The following ADAM10 variants were observed in gnomAD, a reference collection of about 807,000 sequenced individuals.
ADAM10 encodes disintegrin and metalloproteinase domain-containing protein 10.
Under a neutral mutation model 90.1 loss-of-function variants are expected in ADAM10, and 17 were observed. The ratio of observed to expected loss-of-function variants is 0.19; its 90% CI spans 0.13 to 0.28. The LOEUF (loss-of-function observed/expected upper bound fraction) is 0.28. ADAM10 is among the 10% of genes least tolerant of loss of function. The probability of loss-of-function intolerance (pLI) is 1.00; values close to 1 mark genes in which losing one functional copy is unlikely to be tolerated. For missense variants in ADAM10, 610 were observed against 914.3 expected, an observed-to-expected ratio of 0.67 and a Z score of 4.29; for synonymous variants, 310 against 298.6, an observed-to-expected ratio of 1.04 and a Z score of -0.40.
chr15:58,676,873 A>G (rs1566990770), intron 4 of ADAM10, among the ~76,000 whole-genome samples: 1 of 152,160 alleles, frequency 6.6e-6, no homozygotes, highest in African/African-American at 2.4e-5. Flanking sequence ...ATGCTTATTT[A>G]TTTATGTGTT....
At chr15:58,648,068 AAC>A (rs1896598390) in intron 5 of ADAM10, among the ~76,000 whole-genome samples, 2 of 152,238 alleles carry the variant, frequency 1.3e-5, no homozygotes, top group Admixed American at 1.3e-4. Context: ...TTATATGCCA[AAC>A]ACACAAAAAA....
At position 58,594,131 on chromosome 15, in the gene ADAM10, A is replaced by G. The variant is rs1346758334; in HGVS notation, c.*3416T>C. 1.3e-5 allele frequency: 2 copies of G among 152,226 alleles called. No individual in the cohort carries two copies. Among genetic ancestry groups the G allele is most frequent in the African/African-American group, 2.4e-5 (1 of 41,462 alleles). The allele number at this position is 152,226 out of a possible 1,614,324, so 9.4% of individuals were successfully genotyped here. On this transcript the variant is annotated 3_prime_UTR_variant, in exon 16 of 16. Coordinates refer to ENST00000260408, the MANE Select transcript of ADAM10 (RefSeq NM_001110.4). ...ACTTTAGTGACTTCTCTAAAGATGA[A>G]CTGTCCCTGGCAGCTGCTTTAAAAC...
chr15:58,677,589 G>C (rs1227992651), intron 4 of ADAM10, among the ~76,000 whole-genome samples: 2 of 152,014 alleles, frequency 1.3e-5, no homozygotes, highest in African/African-American at 4.8e-5. Context: ...GAAAACATGA[G>C]AGAGGCACAA....
intron 2 of ADAM10, among the ~76,000 whole-genome samples, chr15:58,712,347 C>T (rs2140807558): frequency 6.6e-6 from 1 of 151,232 alleles, no homozygotes; most frequent in East Asian, 1.9e-4. Context: ...TGGCAAAACC[C>T]CATTTCTACC....
intron 9 of ADAM10, among the ~76,000 whole-genome samples, chr15:58,631,978 TAG>T (rs1156328678): frequency 1.3e-5 from 2 of 152,190 alleles, no homozygotes; most frequent in African/African-American, 4.8e-5. Context: ...TGGGAAAAAT[TAG>T]AGAAGTGCAT....
In ADAM10 at chr15:58,640,978, A is replaced by G; in HGVS notation, c.829-18T>C. ...GTATTGATCTAAAATCCAAAACAAT[A>G]ATTTAGTAAGTAATTAATGTTAGCA... On this transcript the variant is annotated intron_variant, in intron 7 of 15. Transcript: ENST00000260408. 6.2e-7 allele frequency: 1 copy of G among 1,605,830 alleles called. No homozygotes were observed. The highest frequency in any genetic ancestry group is 1.7e-5 in the Admixed American group (1 of 60,018).
At chr15:58,664,161 C>G (rs944107265) in intron 5 of ADAM10, among the ~76,000 whole-genome samples, 1 of 152,134 alleles carries the variant, frequency 6.6e-6, no homozygotes, top group Middle Eastern at 3.4e-3. Context: ...GCTAACCTAA[C>G]TCCTACTTAT....
chr15:58,649,530 T>C (rs568738680), intron 5 of ADAM10, among the ~76,000 whole-genome samples: 2 of 152,212 alleles, frequency 1.3e-5, no homozygotes, highest in Non-Finnish European at 2.9e-5. Flanking sequence ...ATATATTCCA[T>C]TTGAAATGTG....
At chr15:58,725,247 A>T (rs1898991740) in intron 1 of ADAM10, among the ~76,000 whole-genome samples, 1 of 151,654 alleles carries the variant, frequency 6.6e-6, no homozygotes, top group South Asian at 2.1e-4. Context: ...AAAATAAAAG[A>T]AAATTAGGCA....
intron 1 of ADAM10, among the ~76,000 whole-genome samples, chr15:58,718,176 A>G (rs1257232954): frequency 4.6e-5 from 7 of 152,114 alleles, no homozygotes; most frequent in Admixed American, 1.3e-4. Context: ...AAGTATAAAA[A>G]TAAATAAAAA....
At chr15:58,608,452 C>T (rs1895339517) in intron 14 of ADAM10, among the ~76,000 whole-genome samples, 2 of 152,214 alleles carry the variant, frequency 1.3e-5, no homozygotes, top group African/African-American at 2.4e-5. Flanking sequence ...TGTTTATTAT[C>T]TTACTGCTTG....
At chr15:58,735,231 T>C (rs1356312677) in intron 1 of ADAM10, among the ~76,000 whole-genome samples, 1 of 152,206 alleles carries the variant, frequency 6.6e-6, no homozygotes, top group Non-Finnish European at 1.5e-5. Context: ...AATCGTTTAC[T>C]CCGATTCCTT....
At chr15:58,658,412 T>A (rs1453942274) in intron 5 of ADAM10, among the ~76,000 whole-genome samples, 1 of 152,214 alleles carries the variant, frequency 6.6e-6, no homozygotes, top group African/African-American at 2.4e-5. Context: ...TTATACTAAG[T>A]CTTAAAAACC....
intron 4 of ADAM10, among the ~76,000 whole-genome samples, chr15:58,667,884 C>T (rs978069828): frequency 1.3e-4 from 20 of 151,858 alleles, no homozygotes; most frequent in African/African-American, 4.6e-4. Context: ...CATGTCTTCC[C>T]AATCCCCATG....
chr15:58,651,323 T>C (rs1896682114), intron 5 of ADAM10, among the ~76,000 whole-genome samples: 1 of 152,188 alleles, frequency 6.6e-6, no homozygotes, highest in Non-Finnish European at 1.5e-5. Context: ...GTTGCCCTGC[T>C]GTGCTTTCAA....
At chr15:58,608,631 T>C (rs1478200335) in intron 14 of ADAM10, among the ~76,000 whole-genome samples, 1 of 152,210 alleles carries the variant, frequency 6.6e-6, no homozygotes, top group African/African-American at 2.4e-5. Context: ...AAGTGTCTGA[T>C]TAATTAGTTC....
chr15:58,604,344 G>A (rs1039995320), intron 14 of ADAM10, among the ~76,000 whole-genome samples: 1 of 152,186 alleles, frequency 6.6e-6, no homozygotes, highest in African/African-American at 2.4e-5. Flanking sequence ...CTAGGTGGCT[G>A]AGTGAGACTC....
At chr15:58,744,234 T>C (rs1359460331) in intron 1 of ADAM10, among the ~76,000 whole-genome samples, 6 of 149,922 alleles carry the variant, frequency 4.0e-5, no homozygotes, top group Admixed American at 2.0e-4. Context: ...GCTATACATA[T>C]TGAAAGGTGA....
chr15:58,682,522 A>G (rs1391989216), intron 2 of ADAM10, among the ~76,000 whole-genome samples: 5 of 152,188 alleles, frequency 3.3e-5, no homozygotes, highest in African/African-American at 1.2e-4. Flanking sequence ...AGATAAAATT[A>G]AACAGTAACT....
Sources: allele counts gnomAD v4.1 joint callset (sites outside exome capture counted in the v4.1 genomes callset), GRCh38; gene constraint gnomAD v4.1.1; transcripts MANE v1.5; gene names NCBI Gene and HGNC (gene_info 2026-07-23, HGNC 2026-07-21).